The following LIMCH1 variants were observed in gnomAD, a reference collection of about 807,000 sequenced individuals.
LIMCH1 encodes LIM and calponin homology domains-containing protein 1.
In LIMCH1, 113 loss-of-function variants were observed where a neutral mutation model predicts 176.5. The ratio of observed to expected loss-of-function variants is 0.64; its 90% CI spans 0.55 to 0.75. The LOEUF (loss-of-function observed/expected upper bound fraction) is 0.75, where lower values mean the gene tolerates loss of function less well. Ranked by LOEUF, LIMCH1 falls within the 30% of genes least tolerant of loss-of-function variation. The probability of loss-of-function intolerance (pLI) is 0.00; values close to 1 mark genes in which losing one functional copy is unlikely to be tolerated. For missense variants in LIMCH1, 1,674 were observed against 1,814.9 expected (o/e 0.92, Z 1.41); for synonymous variants, 619 against 645.9 (o/e 0.96, Z 0.63).
intron 18 of LIMCH1, among the ~76,000 whole-genome samples, chr4:41,653,219 C>T (rs1024364328): frequency 1.3e-5 from 2 of 151,974 alleles, no homozygotes; most frequent in African/African-American, 4.8e-5. Flanking sequence ...AGTGTGTTAT[C>T]CCAAGAGTCA....
At chr4:41,487,069 C>T (rs1005527675) in intron 1 of LIMCH1, among the ~76,000 whole-genome samples, 1 of 151,822 alleles carries the variant, frequency 6.6e-6, no homozygotes, top group African/African-American at 2.4e-5. Flanking sequence ...CCATGTTGGC[C>T]AGGCTGGTCT....
chr4:41,400,039 A>G (rs897487189), intron 1 of LIMCH1, among the ~76,000 whole-genome samples: 1 of 151,148 alleles, frequency 6.6e-6, no homozygotes, highest in African/African-American at 2.4e-5. Flanking sequence ...TTGAGGAGGA[A>G]ACTGAAGCTT....
chr4:41,691,111 C>G (rs1725245132), intron 30 of LIMCH1, among the ~76,000 whole-genome samples: 2 of 152,236 alleles, frequency 1.3e-5, no homozygotes, highest in Non-Finnish European at 1.5e-5. Context: ...CTCTCAAGGC[C>G]TTTATTCACT....
intron 1 of LIMCH1, among the ~76,000 whole-genome samples, chr4:41,427,967 A>G (rs1021205609): frequency 2.0e-5 from 3 of 151,888 alleles, no homozygotes; most frequent in African/African-American, 7.3e-5. Context: ...AAGAAGAAGA[A>G]TTTACTGGTT....
chr4:41,633,081 C>A lies in LIMCH1; in HGVS notation c.1825C>A (p.Pro609Thr), dbSNP rs1356327105. ...AGAAAGATCAGAGGACAGCAGCCAG[C>A]CACTGTGAGCATCTTGCCTGCGCTC... ...KAERSEDSSQPLVCPLASECE... is the reference protein window; with the variant it reads ...KAERSEDSSQTLVCPLASECE... The change falls in exon 12 of 32, where the codon CCA becomes ACA. Residue 609 changes from proline (P) to threonine (T), a missense_variant. Coordinates refer to ENST00000503057, the MANE Select transcript of LIMCH1 (RefSeq NM_001330672.2). The A allele has an allele frequency of 1.3e-6, 2 of 1,531,388 alleles. No individual in the cohort carries two copies. The highest frequency in any genetic ancestry group is 1.7e-6 in the Non-Finnish European group (2 of 1,143,414). The allele number at this position is 1,531,388 out of a possible 1,614,324, so 94.9% of individuals were successfully genotyped here. A position where few individuals can be genotyped will look rare whatever the true frequency, so the allele number is the denominator to read the frequency against.
chr4:41,685,484 A>T (rs1719962016), intron 27 of LIMCH1, among the ~76,000 whole-genome samples: 1 of 152,202 alleles, frequency 6.6e-6, no homozygotes, highest in Non-Finnish European at 1.5e-5. Flanking sequence ...GTTTTATGAC[A>T]TCAGAAATCA....
intron 1 of LIMCH1, among the ~76,000 whole-genome samples, chr4:41,399,840 A>ATTTTTTTTTTTTTTTTTT (rs71198650): frequency 4.4e-4 from 50 of 114,106 alleles, no homozygotes; most frequent in African/African-American, 8.2e-4. Flanking sequence ...TGCCCGGCTA[A>ATTTTTTTTTTTTTTTTTT]TTTTTTTTTT....
At chr4:41,472,111 G>A (rs966387428) in intron 1 of LIMCH1, among the ~76,000 whole-genome samples, 3 of 152,172 alleles carry the variant, frequency 2.0e-5, no homozygotes. Flanking sequence ...GTAAGTCCAC[G>A]TTTTCTTTCT....
chr4:41,390,943 TG>T (rs1173051948), intron 1 of LIMCH1, among the ~76,000 whole-genome samples: 1 of 152,214 alleles, frequency 6.6e-6, no homozygotes, highest in Admixed American at 6.5e-5. Context: ...GTCCTTATTC[TG>T]GGCAGCCACG....
chr4:41,575,850 C>T (rs982846293), intron 1 of LIMCH1, among the ~76,000 whole-genome samples: 3 of 152,180 alleles, frequency 2.0e-5, no homozygotes, highest in African/African-American at 7.2e-5. Context: ...ATACTTTGGG[C>T]TTCAGGTCCA....
intron 18 of LIMCH1, among the ~76,000 whole-genome samples, chr4:41,653,979 G>C (rs990896718): frequency 2.0e-5 from 3 of 152,228 alleles, no homozygotes; most frequent in Admixed American, 2.0e-4. Context: ...TTACCTTGCA[G>C]ATGGGCACGT....
intron 1 of LIMCH1, among the ~76,000 whole-genome samples, chr4:41,489,772 C>A (rs1007535078): frequency 6.6e-6 from 1 of 151,532 alleles, no homozygotes; most frequent in African/African-American, 2.4e-5. Context: ...ATATAGTTGA[C>A]CCTTGAACAA....
chr4:41,530,812 AAAAAAAATT>A (rs2077187875), intron 3 of LIMCH1, among the ~76,000 whole-genome samples: 1 of 146,682 alleles, frequency 6.8e-6, no homozygotes, highest in African/African-American at 2.6e-5. Flanking sequence ...AAAAAAAAAA[AAAAAAAATT>A]TTTTTTTTTT....
intron 1 of LIMCH1, among the ~76,000 whole-genome samples, chr4:41,409,709 A>G (rs2059311823): frequency 6.6e-6 from 1 of 152,180 alleles, no homozygotes; most frequent in Admixed American, 6.5e-5. Context: ...CACTGCACTC[A>G]TCATTTGGAA....
intron 1 of LIMCH1, among the ~76,000 whole-genome samples, chr4:41,368,612 G>A (rs2053476517): frequency 1.3e-5 from 2 of 152,184 alleles, no homozygotes; most frequent in Admixed American, 6.5e-5. Context: ...AAAAGGGCTT[G>A]CGTTGGATGC....
At position 41,663,051 on chromosome 4, in the gene LIMCH1, T is replaced by C. The variant is rs550931088; in HGVS notation, c.3291+67T>C. The C allele has an allele frequency of 3.1e-5, 44 of 1,411,416 alleles. No homozygotes were observed. The Admixed American group carries it at 4.1e-4, about 13-fold the overall frequency. The allele number at this position is 1,411,416 out of a possible 1,614,324, so 87.4% of individuals were successfully genotyped here. A position where few individuals can be genotyped will look rare whatever the true frequency, so the allele number is the denominator to read the frequency against. ...AACATGGCCCCATATTACAGCTAGC[T>C]GCTGCTGTGGCAGTTGTGAATAATG... is the stretch of plus-strand genomic sequence containing the variant. On this transcript the variant is annotated intron_variant, in intron 20 of 31. Transcript: ENST00000503057.
chr4:41,649,969 T>C (rs1007491206), intron 17 of LIMCH1, among the ~76,000 whole-genome samples: 1 of 152,240 alleles, frequency 6.6e-6, no homozygotes, highest in Admixed American at 6.5e-5. Context: ...AAAATATTCC[T>C]GATCTGTGGT....
At chr4:41,464,531 C>A (rs1359987967) in intron 1 of LIMCH1, among the ~76,000 whole-genome samples, 1 of 151,840 alleles carries the variant, frequency 6.6e-6, no homozygotes, top group African/African-American at 2.4e-5. Flanking sequence ...TGCGTGCCCC[C>A]ACCCTGGCTA....
At chr4:41,631,077 GT>G (rs67571350) in intron 9 of LIMCH1, 70 bp from the exon 10 acceptor site, 78,575 of 958,196 alleles carry the variant, frequency 0.082, 4,840 homozygotes, top group African/African-American at 0.4. Context: ...TTTTTTTTTT[GT>G]TTTTTTTTTA....
Sources: gnomAD v4.1 joint callset for allele counts (sites outside exome capture counted in the v4.1 genomes callset) on GRCh38, gnomAD v4.1.1 for gene constraint, MANE v1.5 for transcripts, NCBI Gene and HGNC (gene_info 2026-07-23, HGNC 2026-07-21) for gene names.